Variants in CIZ1 observed in about 807,000 individuals in gnomAD.
CIZ1 encodes CDKN1A interacting zinc finger protein 1, also known as cip1-interacting zinc finger protein.
CIZ1 carries 58 observed loss-of-function variants against 118.6 expected under a neutral mutation model. The ratio of observed to expected loss-of-function variants is 0.49; its 90% CI spans 0.40 to 0.61. The LOEUF (loss-of-function observed/expected upper bound fraction) is 0.61, where lower values mean the gene tolerates loss of function less well. Among genes scored for constraint, CIZ1 ranks in the 20% least tolerant of loss-of-function variants. The probability of loss-of-function intolerance (pLI) is 0.00; values close to 1 mark genes in which losing one functional copy is unlikely to be tolerated. For missense variants in CIZ1, 921 were observed against 1,115.9 expected (o/e 0.83, Z 2.49); for synonymous variants, 448 against 443.4 (o/e 1.01, Z -0.13).
intron 5 of CIZ1, among the ~76,000 whole-genome samples, chr9:128,183,296 T>C (rs1217273002): frequency 1.3e-5 from 2 of 152,200 alleles, no homozygotes; most frequent in Admixed American, 6.5e-5. Flanking sequence ...TGGGTCCACC[T>C]AGACAGCTGT....
intron 11 of CIZ1, among the ~76,000 whole-genome samples, chr9:128,175,159 C>G (rs1830701410): frequency 6.6e-6 from 1 of 152,182 alleles, no homozygotes. Context: ...AATTTTGAAT[C>G]CTGTTTTACT....
intron 12 of CIZ1, 182 bp downstream of exon 12, chr9:128,169,838 G>A: frequency 9.6e-7 from 1 of 1,039,534 alleles, no homozygotes. Flanking sequence ...GCCTACACTG[G>A]ACAGATGGGG....
At chr9:128,191,691 G>A (rs987719412), upstream of CIZ1, 2 of 1,287,918 alleles carry the variant, frequency 1.6e-6, no homozygotes, top group South Asian at 2.2e-5. This position sits in a 1 kb window ranked among gnomAD's most constrained non-coding sequence, Gnocchi z 5.5. Flanking sequence ...GGGCGGCTGC[G>A]GGGCGCTAGC....
intron 11 of CIZ1, among the ~76,000 whole-genome samples, chr9:128,175,698 A>C (rs1830764740): frequency 6.6e-6 from 1 of 152,222 alleles, no homozygotes; most frequent in Non-Finnish European, 1.5e-5. Flanking sequence ...TTTCACATAC[A>C]AACCTGGATT....
chr9:128,180,729 G>A lies in CIZ1; in HGVS notation c.674C>T (p.Thr225Ile), dbSNP rs767936375. 2 of 1,605,802 alleles carry A rather than the reference G, an allele frequency of 1.2e-6. No individual in the cohort carries two copies. The change falls in exon 6 of 17, where the codon ACA becomes ATA. Residue 225 changes from threonine to isoleucine, a missense_variant. Thr to Ile is a moderately conservative substitution (Grantham distance 89). Coordinates refer to ENST00000372938, the MANE Select transcript of CIZ1 (RefSeq NM_001131016.2). Reference sequence around the variant, plus strand: ...CAGCCTCCCTCCCTCACCTTCTGGTGTGTCCATCCGGGGCTCTGCGGCTTC... The same window carrying A: ...CAGCCTCCCTCCCTCACCTTCTGGTATGTCCATCCGGGGCTCTGCGGCTTC... Reference protein sequence around the residue: ...SEEAAEPRMDTPEDQDLPPCP... With the variant: ...SEEAAEPRMDIPEDQDLPPCP...
chr9:128,177,343 C>A (rs1315676222), intron 10 of CIZ1, among the ~76,000 whole-genome samples: 1 of 152,150 alleles, frequency 6.6e-6, no homozygotes, highest in African/African-American at 2.4e-5. Flanking sequence ...GAGCTGAGAT[C>A]ATGCCACTGC....
chr9:128,190,837 C>T lies in CIZ1; in HGVS notation c.21G>A (p.Gln7=), dbSNP rs1833047426. 2 of 1,541,884 alleles carry T rather than the reference C, an allele frequency of 1.3e-6. No homozygotes were observed. The highest frequency in any genetic ancestry group is 1.2e-5 in the South Asian group (1 of 83,906). The change falls in exon 2 of 17, where the codon CAG becomes CAA. Residue 7 remains glutamine, a synonymous_variant. Coordinates refer to ENST00000372938, the MANE Select transcript of CIZ1 (RefSeq NM_001131016.2). The part of the protein sequence containing the change: MFSQQQ[Q]QQLQQQQQQL... Reference sequence around the variant, plus strand: ...GCTGCTGCTGTTGCTGGAGCTGCTGCTGCTGCTGCTGGCTGAACATGGTGG... The same window carrying T: ...GCTGCTGCTGTTGCTGGAGCTGCTGTTGCTGCTGCTGGCTGAACATGGTGG...
At chr9:128,185,078 A>C (rs1832183479) in intron 5 of CIZ1, among the ~76,000 whole-genome samples, 1 of 152,106 alleles carries the variant, frequency 6.6e-6, no homozygotes. Context: ...CAGGAGTTTG[A>C]GACCAGCCTG....
At position 128,169,433 on chromosome 9, in the gene CIZ1, G is replaced by A; in HGVS notation, c.2118C>T (p.Ser706=). Residue 706 remains serine (S), a synonymous_variant, in exon 13 of 17, where the codon TCC becomes TCT. Coordinates refer to ENST00000372938, the MANE Select transcript of CIZ1 (RefSeq NM_001131016.2). ...TPRKFVEHVK[S]QGHKDKAKEL... is the part of the protein sequence containing the mutation. ...CCTTGGCTTTGTCCTTATGCCCCTG[G>A]GACTTCACGTGCTCCACAAACTTGC... The A allele has an allele frequency of 1.9e-6, 3 of 1,614,146 alleles. No individual in the cohort carries two copies. The highest frequency in any genetic ancestry group is 2.2e-5 in the South Asian group (2 of 91,078).
intron 1 of CIZ1, chr9:128,197,689 T>G (rs1455432877): frequency 6.6e-6 from 1 of 152,230 alleles, no homozygotes; most frequent in Admixed American, 6.5e-5. Context: ...TTCTCTCTCC[T>G]CCCTTACCGC....
At chr9:128,167,031 G>A in intron 15 of CIZ1, 64 bp downstream of exon 15, 3 of 1,576,170 alleles carry the variant, frequency 1.9e-6, no homozygotes, top group Non-Finnish European at 2.6e-6. Context: ...ATATGGGAGG[G>A]TCATGTGGAG....
At chr9:128,169,007 G>A in intron 14 of CIZ1, 45 bp downstream of exon 14, 1 of 1,611,916 alleles carries the variant, frequency 6.2e-7, no homozygotes, top group Non-Finnish European at 8.5e-7. Flanking sequence ...GTCCTGGGCT[G>A]GGAATCCAGC....
intron 11 of CIZ1, among the ~76,000 whole-genome samples, chr9:128,176,131 C>T (rs1830818072): frequency 2.6e-5 from 4 of 152,190 alleles, no homozygotes; most frequent in Admixed American, 2.6e-4. Context: ...CTAGAGGGAA[C>T]CTTAAGAGAA....
chr9:128,178,196 A>T (rs1831113654), intron 9 of CIZ1, among the ~76,000 whole-genome samples, 173 bp downstream of exon 9: 1 of 152,098 alleles, frequency 6.6e-6, no homozygotes, highest in Non-Finnish European at 1.5e-5. Context: ...TCCCATGCAC[A>T]CCACTATCAA....
At chr9:128,167,424 C>G in intron 14 of CIZ1, 1 of 489,900 alleles carries the variant, frequency 2.0e-6, no homozygotes, top group Non-Finnish European at 3.6e-6. Context: ...GCGCCATAAT[C>G]CACGCCAGGT....
intron 9 of CIZ1, among the ~76,000 whole-genome samples, 190 bp from the exon 10 acceptor site, chr9:128,177,953 C>T (rs1054236876): frequency 6.6e-6 from 1 of 152,150 alleles, no homozygotes; most frequent in Admixed American, 6.5e-5. Flanking sequence ...GAACCCAGGT[C>T]GGCCTAAAGT....
rs1404137822 is a variant in CIZ1 at position 128,185,738 on chromosome 9, C to G, written c.397G>C (p.Ala133Pro). Reference protein sequence around the residue: ...RGYGMASPGLAAPSLTPPQLA... With the variant: ...RGYGMASPGLPAPSLTPPQLA... ...TGTGGGGGTGTGAGGCTGGGGGCTG[C>G]GAGGCCTGGGGATGCCATGCCATAG... Residue 133 changes from alanine to proline, a missense_variant, in exon 5 of 17, where the codon GCA (alanine) becomes CCA (proline). Transcript: ENST00000372938. 6.2e-7 allele frequency: 1 copy of G among 1,612,968 alleles called. No individual in the cohort carries two copies. Among genetic ancestry groups the G allele is most frequent in the Admixed American group, 1.7e-5 (1 of 59,874 alleles).
chr9:128,170,346 G>A (rs1245081658), intron 11 of CIZ1, among the ~76,000 whole-genome samples: 1 of 152,230 alleles, frequency 6.6e-6, no homozygotes, highest in African/African-American at 2.4e-5. Context: ...AAAACCACAA[G>A]CTACAATAGA....
At chr9:128,167,049 C>G in intron 15 of CIZ1, 46 bp downstream of exon 15, 1 of 1,580,458 alleles carries the variant, frequency 6.3e-7, no homozygotes, top group Non-Finnish European at 8.6e-7. Flanking sequence ...GAGGCTGGGC[C>G]CAAGGGCTGA....
Sources: gnomAD v4.1 joint callset for allele counts (sites outside exome capture counted in the v4.1 genomes callset) on GRCh38, gnomAD v4.1.1 for gene constraint, Gnocchi (gnomAD v3.1) non-coding constraint, MANE v1.5 for transcripts, NCBI Gene and HGNC (gene_info 2026-07-23, HGNC 2026-07-21) for gene names.